The following IQCE variants were observed in gnomAD, a reference collection of about 807,000 sequenced individuals.
IQCE encodes the protein IQ domain-containing protein E.
A neutral mutation model predicts 96.0 loss-of-function variants in IQCE; 115 were observed. The ratio of observed to expected loss-of-function variants is 1.20; its 90% CI spans 1.03 to 1.40. The LOEUF (loss-of-function observed/expected upper bound fraction) is 1.40, where lower values mean the gene tolerates loss of function less well. IQCE is among the 40% of genes most tolerant of loss of function. The pLI is 0.00. For missense variants in IQCE, 1,041 were observed against 909.1 expected, an observed-to-expected ratio of 1.15 and a Z score of -1.87; for synonymous variants, 412 against 371.2, an observed-to-expected ratio of 1.11 and a Z score of -1.26.
chr7:2,602,824 G>A (rs117458504), intron 18 of IQCE, among the ~76,000 whole-genome samples: 10 of 152,346 alleles, frequency 6.6e-5, no homozygotes, highest in Admixed American at 2.0e-4. Context: ...GTATGGTCGC[G>A]GGTGTGGGCG....
At chr7:2,563,914 AAAT>A (rs1781167822) in intron 1 of IQCE, among the ~76,000 whole-genome samples, 1 of 150,618 alleles carries the variant, frequency 6.6e-6, no homozygotes, top group African/African-American at 2.4e-5. Context: ...AAAAAAAAAA[AAAT>A]TTCACTCATC....
Position 2,597,468 on chromosome 7 carries a change from G to C in IQCE, c.1441-997G>C, listed in dbSNP as rs60373641. On this transcript the variant is annotated intron_variant, in intron 16 of 21. Coordinates refer to ENST00000402050, the MANE Select transcript of IQCE (RefSeq NM_152558.5). ...AGCAAGCCGTTCTGTGTTTGTTGAA[G>C]TCTGTGGACAGGCCACCTGCGCCTG... 5.5e-3 allele frequency among the ~76,000 whole-genome samples: 843 copies of C among 152,382 alleles called. 13 individuals carry two copies. The highest frequency in any genetic ancestry group is 0.019 in the African/African-American group (805 of 41,588).
chr7:2,563,395 G>A (rs1187131382), intron 1 of IQCE, among the ~76,000 whole-genome samples: 1 of 151,608 alleles, frequency 6.6e-6, no homozygotes, highest in Non-Finnish European at 1.5e-5. Context: ...GTGTGTGTGT[G>A]TGTGTGTGTG....
intron 8 of IQCE, among the ~76,000 whole-genome samples, chr7:2,579,529 A>G (rs1224344631): frequency 6.6e-6 from 1 of 152,216 alleles, no homozygotes; most frequent in Non-Finnish European, 1.5e-5. Flanking sequence ...TGTCCTCTGA[A>G]CTATGTCACA....
chr7:2,605,772 G>A (rs1784770479), intron 19 of IQCE, 104 bp from the exon 20 acceptor site: 1 of 1,230,058 alleles, frequency 8.1e-7, no homozygotes, highest in South Asian at 2.2e-5. Context: ...AGGAAACTGA[G>A]CTCTTCCTGT....
chr7:2,588,080 C>A (rs1266504708), intron 13 of IQCE, among the ~76,000 whole-genome samples: 1 of 152,252 alleles, frequency 6.6e-6, no homozygotes, highest in Admixed American at 6.5e-5. Context: ...CTGTGAGCTT[C>A]TGTGCGTGGC....
intron 3 of IQCE, among the ~76,000 whole-genome samples, chr7:2,569,255 C>T (rs11974092): frequency 0.026 from 3,960 of 152,192 alleles, 175 homozygotes; most frequent in African/African-American, 0.09. Flanking sequence ...CTGAGGCTGC[C>T]ACCAACTCCC....
chr7:2,579,241 A>G (rs1196913962), intron 8 of IQCE, among the ~76,000 whole-genome samples: 2 of 152,188 alleles, frequency 1.3e-5, no homozygotes, highest in African/African-American at 4.8e-5. Flanking sequence ...ACCTCCTAGC[A>G]GTCAAGGAAG....
At chr7:2,590,562 T>G (rs1783510443) in intron 14 of IQCE, among the ~76,000 whole-genome samples, 1 of 150,910 alleles carries the variant, frequency 6.6e-6, no homozygotes, top group South Asian at 2.1e-4. Context: ...GCCAGGAGTT[T>G]CAGACCAGCC....
intron 2 of IQCE, among the ~76,000 whole-genome samples, chr7:2,568,591 T>C (rs1781545189): frequency 6.6e-6 from 1 of 152,210 alleles, no homozygotes; most frequent in South Asian, 2.1e-4. Context: ...TCTGACCACC[T>C]CCACCTGAGT....
intron 1 of IQCE, among the ~76,000 whole-genome samples, chr7:2,564,102 C>G (rs1219985183): frequency 6.6e-6 from 1 of 151,750 alleles, no homozygotes; most frequent in African/African-American, 2.4e-5. Context: ...GTCCCAGCTA[C>G]TGAGGAGGCT....
At chr7:2,604,105 C>T (rs774128739) in intron 18 of IQCE, among the ~76,000 whole-genome samples, 20 of 149,366 alleles carry the variant, frequency 1.3e-4, no homozygotes, top group Non-Finnish European at 2.5e-4. Flanking sequence ...TCTCATGCCT[C>T]AGCCTCCTGA....
intron 15 of IQCE, among the ~76,000 whole-genome samples, chr7:2,594,291 T>TTCAGGAGAAATCTGACTGAATTCTG (rs1450691493): frequency 6.6e-6 from 1 of 152,210 alleles, no homozygotes; most frequent in African/African-American, 2.4e-5. Context: ...ACATTTCATT[T>TTCAGGAGAAATCTGACTGAATTCTG]TCAGGAGAAA....
In IQCE at chr7:2,586,133, A is replaced by C. The variant is rs1056472524; in HGVS notation, c.825-75A>C. On this transcript the variant is annotated intron_variant, in intron 11 of 21. Coordinates refer to ENST00000402050, the MANE Select transcript of IQCE (RefSeq NM_152558.5). ...CAACCAACAGAGCAAGCTGTGATTC[A>C]CCTGTCCCTCGTTTCAAGCATGTGT... 5.0e-6 allele frequency: 7 copies of C among 1,390,056 alleles called. No individual in the cohort carries two copies. The African/African-American group carries it at 7.2e-5, about 14-fold the overall frequency. The allele number at this position is 1,390,056 out of a possible 1,614,324, so 86.1% of individuals were successfully genotyped here.
intron 16 of IQCE, chr7:2,596,882 A>G (rs1055916573): frequency 4.6e-6 from 2 of 439,372 alleles, no homozygotes; most frequent in African/African-American, 2.0e-5. Context: ...GCTGGTGCCA[A>G]GCAACTTGTT....
intron 11 of IQCE, among the ~76,000 whole-genome samples, chr7:2,585,059 T>G (rs1435449148): frequency 6.6e-6 from 1 of 151,792 alleles, no homozygotes; most frequent in Non-Finnish European, 1.5e-5. Context: ...TTTTTTTTTT[T>G]TTTTTGGCAA....
rs373990420 is a variant in IQCE, at chr7:2,610,119, T to A, written c.2045T>A (p.Ile682Asn). 2 of 1,613,066 alleles carry A rather than the reference T, an allele frequency of 1.2e-6. No homozygotes were observed. Among genetic ancestry groups the A allele is most frequent in the Non-Finnish European group, 1.7e-6 (2 of 1,179,122 alleles). The change falls in exon 22 of 22, where the codon ATT becomes AAT. Residue 682 changes from isoleucine to asparagine, a missense_variant. By Grantham distance (149) the Ile-to-Asn change is moderately radical. Transcript: ENST00000402050. ...DDVNSDDSDD[I>N]VIAPSLPTKN... ...GTCAACTCCGATGATTCCGACGATA[T>A]TGTCATTGCACCGTCTCTGCCCACG... is the stretch of plus-strand genomic sequence containing the variant.
At chr7:2,573,845 C>G (rs1781933576) in intron 6 of IQCE, among the ~76,000 whole-genome samples, 1 of 152,156 alleles carries the variant, frequency 6.6e-6, no homozygotes, top group African/African-American at 2.4e-5. Context: ...ATGCATGCCA[C>G]GCTTTATGTT....
chr7:2,576,833 C>G (rs912659512), intron 6 of IQCE, among the ~76,000 whole-genome samples: 1 of 152,194 alleles, frequency 6.6e-6, no homozygotes, highest in Middle Eastern at 3.2e-3. Flanking sequence ...TGCATGTTAG[C>G]CTTGGATGAG....
Sources: gnomAD v4.1 joint callset for allele counts (sites outside exome capture counted in the v4.1 genomes callset) on GRCh38, gnomAD v4.1.1 for gene constraint, MANE v1.5 for transcripts, NCBI Gene and HGNC (gene_info 2026-07-23, HGNC 2026-07-21) for gene names.